Variants in NALF2 observed in about 807,000 individuals in gnomAD.
NALF2 encodes NALCN channel auxiliary factor 2, also known as bB57D9.1 (TED protein).
A neutral mutation model predicts 24.8 loss-of-function variants in NALF2; 1 was observed. The ratio of observed to expected loss-of-function variants is 0.04; its 90% confidence interval spans 0.01 to 0.19. The LOEUF is 0.19. Among genes scored for constraint, NALF2 ranks in the 10% least tolerant of loss-of-function variants. The pLI, the probability that NALF2 is intolerant of heterozygous loss-of-function variation, is 1.00. For missense variants in NALF2, 458 were observed against 409.6 expected (o/e 1.12, Z -1.02); for synonymous variants, 254 against 189.8 (o/e 1.34, Z -2.78).
At chrX:69,512,841 G>A (rs1185768071) in intron 1 of NALF2, among the ~76,000 whole-genome samples, 2 of 111,754 alleles carry the variant, frequency 1.8e-5, no homozygotes, top group Non-Finnish European at 3.8e-5. Flanking sequence ...TGCCCAGCTG[G>A]CTACTGAGAG....
intron 1 of NALF2, among the ~76,000 whole-genome samples, chrX:69,506,899 C>A (rs993131518): frequency 1.8e-5 from 2 of 112,598 alleles, no homozygotes; most frequent in Non-Finnish European, 3.8e-5. Context: ...TTTCTAGCTG[C>A]TGGGGATAGG....
At chrX:69,525,153 G>T (rs773711935) in intron 1 of NALF2, among the ~76,000 whole-genome samples, 1 of 112,114 alleles carries the variant, frequency 8.9e-6, no homozygotes, top group Non-Finnish European at 1.9e-5. Context: ...AGCCACCATA[G>T]CCTGTTACTG....
intron 1 of NALF2, among the ~76,000 whole-genome samples, chrX:69,507,993 C>T (rs1287455097): frequency 9.0e-6 from 1 of 110,907 alleles, no homozygotes; most frequent in African/African-American, 3.3e-5. Flanking sequence ...AGCAGTGTGA[C>T]GTAGGAGAAA....
At chrX:69,525,528 C>G (rs887355792) in intron 1 of NALF2, among the ~76,000 whole-genome samples, 1 of 110,085 alleles carries the variant, frequency 9.1e-6, no homozygotes, top group African/African-American at 3.3e-5. Context: ...TCTTATTCCT[C>G]TTTCTTAGCT....
In NALF2 at chrX:69,518,702, T is replaced by A. The variant is rs191170116; in HGVS notation, c.862-10291T>A. ...GCTTTTAAATTCTAAATATAAAATA[T>A]CTGTTAAATGACATATATAGATCTC... On this transcript the variant is annotated intron_variant, in intron 1 of 2. Coordinates refer to ENST00000252338, the MANE Select transcript of NALF2 (RefSeq NM_015686.3). Among the ~76,000 whole-genome samples, 3 of 111,959 alleles carry A rather than the reference T, an allele frequency of 2.7e-5. No homozygotes were observed. The Admixed American group carries it at 2.8e-4, about 11-fold the overall frequency.
intron 1 of NALF2, among the ~76,000 whole-genome samples, chrX:69,508,668 G>A (rs1930533038): frequency 9.0e-6 from 1 of 111,524 alleles, no homozygotes; most frequent in Non-Finnish European, 1.9e-5. Flanking sequence ...AGACAGCCCT[G>A]CTACCCTACT....
At chrX:69,516,636 G>T (rs1488028262) in intron 1 of NALF2, among the ~76,000 whole-genome samples, 4 of 111,883 alleles carry the variant, frequency 3.6e-5, no homozygotes, top group African/African-American at 9.8e-5. Flanking sequence ...ATGTTCTGAG[G>T]CAAGAAAATC....
Position 69,529,954 on chromosome X carries a change from T to C in NALF2, c.1417T>C (p.Ter473ArgextTer2). ...AGAGGAGGGCCTGACACGGGAAGAG[T>C]GACAGTAGGGAGGGAGGACAGACCT... ...ALEEGLTREE[*>R] is the part of the protein sequence containing the mutation. Residue 473 changes from the stop codon to arginine (R), a stop_lost, in exon 3 of 3, where the codon TGA (stop) becomes CGA (arginine). Transcript: ENST00000252338. 8.5e-7 allele frequency: 1 copy of C among 1,183,181 alleles called. No individual in the cohort carries two copies. Among genetic ancestry groups the C allele is most frequent in the Non-Finnish European group, 1.1e-6 (1 of 881,028 alleles).
chrX:69,514,712 C>T (rs749593018), intron 1 of NALF2, among the ~76,000 whole-genome samples: 88 of 112,106 alleles, frequency 7.8e-4, no homozygotes, highest in African/African-American at 2.7e-3. Flanking sequence ...CATTCTGCAC[C>T]ATTTTACATA....
Position 69,505,608 on chromosome X carries a change from C to T in NALF2, c.326C>T (p.Ala109Val). Residue 109 changes from alanine (A) to valine (V), a missense_variant, in exon 1 of 3, where the codon GCG becomes GTG. Physicochemically the swap from Ala to Val is moderately conservative, Grantham distance 64. Coordinates refer to ENST00000252338, the MANE Select transcript of NALF2 (RefSeq NM_015686.3). ...CCGCCGCCGCCCGGCGAGCCCAGCG[C>T]GCCCCCAGGCACCTGCGGCCCCAGA... ...LPPPPPGEPS[A>V]PPGTCGPRYS... is the part of the protein sequence containing the mutation. The T allele has an allele frequency of 2.7e-6, 3 of 1,100,909 alleles. No homozygotes were observed. The highest frequency in any genetic ancestry group is 7.9e-5 in the Admixed American group (2 of 25,185). 90.7% of individuals were successfully genotyped at this position (1,100,909 alleles called of 1,213,427 possible). A position where few individuals can be genotyped will look rare whatever the true frequency, so the allele number is the denominator to read the frequency against.
At position 69,529,794 on chromosome X, in the gene NALF2, G is replaced by A. The variant is rs201574515; in HGVS notation, c.1257G>A (p.Pro419=). The A allele has an allele frequency of 1.2e-4, 151 of 1,209,760 alleles. 1 individual carries two copies. Among genetic ancestry groups the A allele is most frequent in the African/African-American group, 4.9e-4 (28 of 57,080 alleles). ...TCAGCAACAAGCCCGCCCTGCTGCC[G>A]GTCTCTGGGGGCTCCCGCCTCAGCC... ...GRVSNKPALL[P]VSGGSRLSPS... The change falls in exon 3 of 3, where the codon CCG becomes CCA. Residue 419 remains proline (P), a synonymous_variant. Coordinates refer to ENST00000252338, the MANE Select transcript of NALF2 (RefSeq NM_015686.3).
In NALF2 at chrX:69,504,641, C is replaced by G. The variant is rs1930419368; in HGVS notation, c.-642C>G. Among the ~76,000 whole-genome samples the G allele has an allele frequency of 8.9e-6, 1 of 112,882 alleles. No individual in the cohort carries two copies. ...GGTGCGGAGCCAGAGCGGAGCCCGC[C>G]AGGGACTGGCCCCGGCGAACACCCG... On this transcript the variant is annotated 5_prime_UTR_variant, in exon 1 of 3. Transcript: ENST00000252338.
chrX:69,520,251 G>A (rs777427570), intron 1 of NALF2, among the ~76,000 whole-genome samples: 1 of 112,178 alleles, frequency 8.9e-6, no homozygotes, highest in South Asian at 3.7e-4. Context: ...TCTTTCTCAT[G>A]ATACGTGTCT....
Position 69,530,985 on chromosome X carries a change from G to C in NALF2, c.*1029G>C, listed in dbSNP as rs769806425. ...GGGAGGAGGGACTTAAGCCCAAGTG[G>C]GTCAGGCCTGGCCCAGGTCCTTATA... On this transcript the variant is annotated 3_prime_UTR_variant, in exon 3 of 3. Transcript: ENST00000252338. 4 of 112,794 alleles carry C rather than the reference G, an allele frequency of 3.5e-5. No homozygotes were observed. Among genetic ancestry groups the C allele is most frequent in the Non-Finnish European group, 7.5e-5 (4 of 53,184 alleles). The allele number at this position is 112,794 out of a possible 1,213,427, so 9.3% of individuals were successfully genotyped here.
Position 69,505,433 on chromosome X carries a change from C to T in NALF2, c.151C>T (p.Leu51Phe), listed in dbSNP as rs1354898197. Residue 51 changes from leucine to phenylalanine, a missense_variant, in exon 1 of 3, where the codon CTC becomes TTC. Transcript: ENST00000252338. ...QRWRLSLASL[L>F]FFTVLLADHL... ...ATGGCGACTGTCCCTGGCGTCCCTG[C>T]TCTTCTTCACCGTGCTGCTCGCTGA... is the stretch of plus-strand genomic sequence containing the variant. 8.7e-7 allele frequency: 1 copy of T among 1,148,518 alleles called. No homozygotes were observed. Among genetic ancestry groups the T allele is most frequent in the Non-Finnish European group, 1.2e-6 (1 of 866,013 alleles). The allele number at this position is 1,148,518 out of a possible 1,213,427, so 94.7% of individuals were successfully genotyped here.
chrX:69,524,911 C>T (rs1249276635), intron 1 of NALF2, among the ~76,000 whole-genome samples: 1 of 112,104 alleles, frequency 8.9e-6, no homozygotes, highest in Non-Finnish European at 1.9e-5. Context: ...CTCATTAGCT[C>T]CTTGCCTGTT....
chrX:69,520,553 A>T (rs1424598605), intron 1 of NALF2, among the ~76,000 whole-genome samples: 1 of 111,628 alleles, frequency 9.0e-6, no homozygotes, highest in Non-Finnish European at 1.9e-5. Flanking sequence ...CCAAGCCTTT[A>T]TGCAGACCCT....
chrX:69,521,104 A>G (rs1930727095), intron 1 of NALF2, among the ~76,000 whole-genome samples: 1 of 111,886 alleles, frequency 8.9e-6, no homozygotes, highest in African/African-American at 3.2e-5. Context: ...CTTCCAGAGC[A>G]TATCATAACC....
intron 1 of NALF2, among the ~76,000 whole-genome samples, chrX:69,508,764 T>C (rs748445474): frequency 3.3e-3 from 367 of 111,993 alleles, no homozygotes; most frequent in Non-Finnish European, 6.2e-3. Flanking sequence ...GTTCCTGGGC[T>C]CCAAGCCCTC....
Sources: gnomAD v4.1 joint callset for allele counts (sites outside exome capture counted in the v4.1 genomes callset) on GRCh38, gnomAD v4.1.1 for gene constraint, MANE v1.5 for transcripts, NCBI Gene and HGNC (gene_info 2026-07-23, HGNC 2026-07-21) for gene names.